PSTPIP2: variants seen among roughly 807,000 people sequenced by gnomAD.
The protein encoded by PSTPIP2 is proline-serine-threonine phosphatase interacting protein 2.
Under a neutral mutation model 63.3 loss-of-function variants are expected in PSTPIP2, and 33 were observed. The ratio of observed to expected loss-of-function variants is 0.52; its 90% confidence interval spans 0.40 to 0.70. The LOEUF (loss-of-function observed/expected upper bound fraction) is 0.70, where lower values mean the gene tolerates loss of function less well. PSTPIP2 is among the 30% of genes least tolerant of loss of function. The probability of loss-of-function intolerance (pLI) is 0.00; values close to 1 mark genes in which losing one functional copy is unlikely to be tolerated. For missense variants in PSTPIP2, 312 were observed against 400.7 expected (o/e 0.78, Z 1.89); for synonymous variants, 125 against 132.7 (o/e 0.94, Z 0.40).
intron 6 of PSTPIP2, among the ~76,000 whole-genome samples, chr18:46,003,081 T>TCATGTGAGTGTGAAAGTCCAGGTTTC (rs2051685296): frequency 6.6e-6 from 1 of 152,236 alleles, no homozygotes; most frequent in Non-Finnish European, 1.5e-5. Context: ...CTCATTACTG[T>TCATGTGAGTGTGAAAGTCCAGGTTTC]CATGTGAGTG....
intron 3 of PSTPIP2, among the ~76,000 whole-genome samples, chr18:46,023,350 G>A (rs1039940785): frequency 6.6e-6 from 1 of 152,054 alleles, no homozygotes; most frequent in Non-Finnish European, 1.5e-5. Context: ...CACCTGAGGT[G>A]GGGGGTTCAA....
intron 9 of PSTPIP2, among the ~76,000 whole-genome samples, chr18:45,996,619 G>C (rs2051596663): frequency 6.6e-6 from 1 of 151,200 alleles, no homozygotes; most frequent in South Asian, 2.1e-4. Context: ...GAAGGTATGA[G>C]GAGAGTAAAA....
rs573361948 is a variant in PSTPIP2, at chr18:46,067,967, T to C, written c.33+4189A>G. On this transcript the variant is annotated intron_variant, in intron 1 of 14. Coordinates refer to ENST00000409746, the MANE Select transcript of PSTPIP2 (RefSeq NM_024430.4). ...TACACTATGGGGTCAGCAGGGAGAC[T>C]CTGTGGTGTTAACCTGTATTCTTTC... 4.6e-5 allele frequency among the ~76,000 whole-genome samples: 7 copies of C among 152,272 alleles called. No homozygotes were observed. The East Asian group carries it at 1.3e-3, about 29-fold the overall frequency.
chr18:46,061,435 A>G (rs1908989971), intron 1 of PSTPIP2, among the ~76,000 whole-genome samples: 1 of 152,330 alleles, frequency 6.6e-6, no homozygotes, highest in South Asian at 2.1e-4. Context: ...AGGAGCATCA[A>G]GGTCCCTTAT....
Position 46,007,841 on chromosome 18 carries a change from A to G in PSTPIP2, c.355-2310T>C, listed in dbSNP as rs138987835. On this transcript the variant is annotated intron_variant, in intron 5 of 14. Transcript: ENST00000409746. ...GCTTTGAAACTTGGTAGGAATCTAG[A>G]AAGCATCCATCCACCTCCCTAACTT... Among the ~76,000 whole-genome samples, 314 of 152,306 alleles carry G rather than the reference A, an allele frequency of 2.1e-3. 2 individuals carry two copies. Among genetic ancestry groups the G allele is most frequent in the African/African-American group, 7.3e-3 (304 of 41,564 alleles).
chr18:46,038,991 A>C (rs905968015), intron 2 of PSTPIP2, among the ~76,000 whole-genome samples: 2 of 152,208 alleles, frequency 1.3e-5, no homozygotes, highest in Non-Finnish European at 2.9e-5. Context: ...GCAAAGTGTG[A>C]GTAAGTTTGA....
chr18:46,018,018 G>C (rs2051869800), intron 3 of PSTPIP2, among the ~76,000 whole-genome samples: 1 of 151,918 alleles, frequency 6.6e-6, no homozygotes, highest in African/African-American at 2.4e-5. Context: ...TTTATTTTAA[G>C]TATTTTCTAT....
intron 1 of PSTPIP2, chr18:46,041,078 T>C (rs753367950): frequency 1.7e-4 from 76 of 456,922 alleles, no homozygotes; most frequent in Middle Eastern, 3.2e-4. Context: ...GTTAGCGCTA[T>C]TGAGGGTCAA....
At chr18:46,065,774 A>G (rs1323755963) in intron 1 of PSTPIP2, among the ~76,000 whole-genome samples, 1 of 151,602 alleles carries the variant, frequency 6.6e-6, no homozygotes, top group Non-Finnish European at 1.5e-5. Context: ...CAATTTTTGT[A>G]TTTCTTTAGT....
intron 2 of PSTPIP2, chr18:46,029,978 G>T (rs1568222862): frequency 1.3e-5 from 3 of 228,078 alleles, no homozygotes; most frequent in South Asian, 5.2e-5. Flanking sequence ...GCCAGGTGTG[G>T]TGGCAGGTGC....
chr18:46,072,076 G>A, intron 1 of PSTPIP2, 80 bp downstream of exon 1: 2 of 1,475,112 alleles, frequency 1.4e-6, no homozygotes. Flanking sequence ...GAGCTGGGGA[G>A]CCCCCCACGC....
intron 3 of PSTPIP2, among the ~76,000 whole-genome samples, chr18:46,017,804 A>G (rs143869835): frequency 6.6e-6 from 1 of 152,278 alleles, no homozygotes. Context: ...GTGGTTTTCA[A>G]GAATATAATA....
intron 14 of PSTPIP2, among the ~76,000 whole-genome samples, chr18:45,988,032 G>A (rs2051485429): frequency 6.6e-6 from 1 of 152,192 alleles, no homozygotes; most frequent in African/African-American, 2.4e-5. Flanking sequence ...TGGTGGGAGA[G>A]TAAGCTAAAA....
intron 1 of PSTPIP2, among the ~76,000 whole-genome samples, chr18:46,064,317 G>C: frequency 1.1e-5 from 1 of 87,410 alleles, no homozygotes; most frequent in African/African-American, 4.8e-5. Flanking sequence ...TTGAGACAGA[G>C]TCTCATTCTG....
intron 3 of PSTPIP2, among the ~76,000 whole-genome samples, chr18:46,017,191 A>G (rs1568217824): frequency 2.0e-5 from 3 of 152,246 alleles, no homozygotes; most frequent in South Asian, 2.1e-4. Flanking sequence ...CCAGGTTGAT[A>G]ATTATTTCCT....
intron 1 of PSTPIP2, among the ~76,000 whole-genome samples, chr18:46,069,485 T>G (rs534357786): frequency 3.9e-5 from 6 of 152,330 alleles, no homozygotes; most frequent in South Asian, 4.1e-4. Context: ...CCAGTTTTAT[T>G]CATTTATTTT....
intron 14 of PSTPIP2, among the ~76,000 whole-genome samples, chr18:45,987,508 C>T (rs901567546): frequency 9.7e-6 from 1 of 103,626 alleles, no homozygotes; most frequent in Non-Finnish European, 1.9e-5. Flanking sequence ...GTAGCTCAGT[C>T]CACACTGAGA....
chr18:46,024,550 G>C, intron 3 of PSTPIP2, 59 bp downstream of exon 3: 7 of 1,430,250 alleles, frequency 4.9e-6, no homozygotes, highest in Non-Finnish European at 6.9e-6. Context: ...CTGCTGAAGC[G>C]AGGGAGCTCC....
At chr18:46,029,005 A>G in intron 2 of PSTPIP2, 1 of 857,836 alleles carries the variant, frequency 1.2e-6, no homozygotes, top group Admixed American at 1.7e-5. Flanking sequence ...ACAGATTGTG[A>G]TGGTCGCTGG....
Sources: allele counts gnomAD v4.1 joint callset (sites outside exome capture counted in the v4.1 genomes callset), GRCh38; gene constraint gnomAD v4.1.1; transcripts MANE v1.5; gene names NCBI Gene and HGNC (gene_info 2026-07-23, HGNC 2026-07-21).